Variants in SCLT1 observed in about 807,000 individuals in gnomAD.
SCLT1 encodes the protein sodium channel and clathrin linker 1, also known as sodium channel-associated protein 1.
Under a neutral mutation model 112.8 loss-of-function variants are expected in SCLT1, and 78 were observed. That is an observed-to-expected ratio of 0.69 (90% CI 0.58 to 0.83). The LOEUF (loss-of-function observed/expected upper bound fraction) is 0.83, where lower values mean the gene tolerates loss of function less well. SCLT1 is among the 40% of genes least tolerant of loss of function. The pLI is 0.00. For synonymous variants in SCLT1, 257 were observed against 254.7 expected (o/e 1.01, Z -0.09); for missense variants, 747 against 770.4 (o/e 0.97, Z 0.36).
chr4:128,944,534 A>C (rs1404190334), intron 16 of SCLT1: 1 of 152,174 alleles, frequency 6.6e-6, no homozygotes, highest in Non-Finnish European at 1.5e-5. Context: ...AGTTTTTAAA[A>C]CAAATTATTT....
chr4:128,973,488 GGGAGAGGGAA>G (rs1740877992), intron 9 of SCLT1, among the ~76,000 whole-genome samples: 1 of 150,758 alleles, frequency 6.6e-6, no homozygotes, highest in Non-Finnish European at 1.5e-5. Context: ...GAGGGAGAGA[GGGAGAGGGAA>G]AGAGAGGGAG....
intron 18 of SCLT1, among the ~76,000 whole-genome samples, chr4:128,915,168 T>G (rs997656481): frequency 2.0e-5 from 3 of 152,234 alleles, no homozygotes; most frequent in African/African-American, 7.2e-5. Context: ...ATAGTTATGT[T>G]CATATATAGA....
At chr4:129,023,010 T>G (rs542568311) in intron 5 of SCLT1, among the ~76,000 whole-genome samples, 3 of 152,120 alleles carry the variant, frequency 2.0e-5, no homozygotes, top group Non-Finnish European at 4.4e-5. Flanking sequence ...TTAAAGAGAA[T>G]AATTTTCAAC....
chr4:128,909,601 T>C (rs550094125), intron 18 of SCLT1, among the ~76,000 whole-genome samples: 2 of 152,364 alleles, frequency 1.3e-5, no homozygotes, highest in Non-Finnish European at 2.9e-5. Flanking sequence ...CGTATGTTTA[T>C]TTATTCAATA....
At chr4:129,008,540 T>C (rs997154131) in intron 5 of SCLT1, among the ~76,000 whole-genome samples, 7 of 152,218 alleles carry the variant, frequency 4.6e-5, no homozygotes, top group African/African-American at 1.7e-4. Flanking sequence ...ATTTTTCAGC[T>C]ATTGTCTCTT....
At chr4:128,895,924 G>A (rs944281927) in intron 18 of SCLT1, among the ~76,000 whole-genome samples, 3 of 152,198 alleles carry the variant, frequency 2.0e-5, no homozygotes, top group African/African-American at 4.8e-5. Flanking sequence ...CTATGCCCAC[G>A]GAGCCTCGCT....
chr4:129,066,385 G>C (rs931250337), intron 2 of SCLT1, among the ~76,000 whole-genome samples: 1 of 151,878 alleles, frequency 6.6e-6, no homozygotes, highest in South Asian at 2.1e-4. Context: ...TTTCACACAA[G>C]TCAAACTGAC....
intron 18 of SCLT1, among the ~76,000 whole-genome samples, chr4:128,932,692 G>T (rs1736868267): frequency 6.6e-6 from 1 of 152,038 alleles, no homozygotes; most frequent in Non-Finnish European, 1.5e-5. Context: ...CAAATGAAAT[G>T]ATCTAATATA....
intron 14 of SCLT1, 103 bp downstream of exon 14, chr4:128,952,666 G>C (rs1738856372): frequency 2.6e-6 from 2 of 762,550 alleles, no homozygotes; most frequent in East Asian, 2.5e-5. Flanking sequence ...GCCAGGGCTT[G>C]GTTTAATAAG....
intron 10 of SCLT1, among the ~76,000 whole-genome samples, chr4:128,969,520 C>T (rs1047387271): frequency 4.3e-4 from 66 of 151,918 alleles, no homozygotes; most frequent in Admixed American, 9.8e-4. Context: ...GACAGTGAGC[C>T]GAGATCAAGC....
At chr4:128,941,276 G>C (rs1422532691) in intron 17 of SCLT1, among the ~76,000 whole-genome samples, 1 of 151,998 alleles carries the variant, frequency 6.6e-6, no homozygotes, top group Non-Finnish European at 1.5e-5. Flanking sequence ...ATTCCCAGCA[G>C]TATCTATCAA....
chr4:128,931,978 C>T (rs1308536827), intron 18 of SCLT1, among the ~76,000 whole-genome samples: 2 of 148,876 alleles, frequency 1.3e-5, no homozygotes, highest in Non-Finnish European at 3.0e-5. Flanking sequence ...TATAGCCCAT[C>T]TGGTTTAATA....
downstream of SCLT1, among the ~76,000 whole-genome samples, chr4:128,879,106 ACCCTAGAAC>A: frequency 6.6e-6 from 1 of 151,830 alleles, no homozygotes; most frequent in East Asian, 1.9e-4. Flanking sequence ...GTGCACATGT[ACCCTAGAAC>A]TTAAAGTATT....
intron 18 of SCLT1, among the ~76,000 whole-genome samples, chr4:128,919,309 C>T (rs1470667577): frequency 6.6e-6 from 1 of 152,056 alleles, no homozygotes; most frequent in Non-Finnish European, 1.5e-5. Context: ...AAACAACCTG[C>T]CCCTGAATGA....
intron 5 of SCLT1, among the ~76,000 whole-genome samples, chr4:129,038,819 T>C (rs1449866499): frequency 6.6e-6 from 1 of 152,208 alleles, no homozygotes; most frequent in African/African-American, 2.4e-5. Flanking sequence ...ATAGGTTCTA[T>C]TATTATCTCT....
chr4:129,018,421 C>G (rs1372804458), intron 5 of SCLT1, among the ~76,000 whole-genome samples: 2 of 152,100 alleles, frequency 1.3e-5, no homozygotes, highest in Non-Finnish European at 2.9e-5. Context: ...TCTGTAACAC[C>G]TAAACTGAAT....
chr4:129,013,695 C>T (rs1386213785), intron 5 of SCLT1, among the ~76,000 whole-genome samples: 1 of 152,090 alleles, frequency 6.6e-6, no homozygotes, highest in Non-Finnish European at 1.5e-5. Flanking sequence ...AATGATCTTC[C>T]CTTTGTAGGT....
At chr4:129,008,710 A>T (rs1744246607) in intron 5 of SCLT1, among the ~76,000 whole-genome samples, 1 of 152,024 alleles carries the variant, frequency 6.6e-6, no homozygotes, top group Non-Finnish European at 1.5e-5. Context: ...CAGGTTTGTT[A>T]TATAGGTAAG....
chr4:129,073,232 G>C (rs904782093), intron 2 of SCLT1, among the ~76,000 whole-genome samples: 3 of 152,042 alleles, frequency 2.0e-5, no homozygotes, highest in Admixed American at 6.6e-5. Context: ...TCCTTCAGAG[G>C]GTCTATGGGT....
Sources: allele counts gnomAD v4.1 joint callset (sites outside exome capture counted in the v4.1 genomes callset), GRCh38; gene constraint gnomAD v4.1.1; transcripts MANE v1.5; gene names NCBI Gene and HGNC (gene_info 2026-07-23, HGNC 2026-07-21).